The following SLC2A9 variants were observed in gnomAD, a reference collection of about 807,000 sequenced individuals.
SLC2A9 encodes the protein solute carrier family 2 member 9.
Under a neutral mutation model 50.6 loss-of-function variants are expected in SLC2A9, and 39 were observed. That is an observed-to-expected ratio of 0.77 (90% CI 0.60 to 1.01). The LOEUF (loss-of-function observed/expected upper bound fraction) is 1.01. SLC2A9 is among the 50% of genes least tolerant of loss of function. The pLI is 0.00. For synonymous variants in SLC2A9, 324 were observed against 276.9 expected (o/e 1.17, Z -1.69); for missense variants, 686 against 677.6 (o/e 1.01, Z -0.14).
chr4:9,801,223 C>T (rs1721362926), intron 3 of SLC2A9, among the ~76,000 whole-genome samples: 1 of 152,130 alleles, frequency 6.6e-6, no homozygotes, highest in Non-Finnish European at 1.5e-5. Context: ...CTAGACTTTC[C>T]CCACCATCTC....
At chr4:9,794,538 C>T (rs949599729), downstream of SLC2A9, among the ~76,000 whole-genome samples, 1 of 152,210 alleles carries the variant, frequency 6.6e-6, no homozygotes, top group African/African-American at 2.4e-5. Context: ...AGAACTCAAG[C>T]TCCTCACTCA....
intron 2 of SLC2A9, among the ~76,000 whole-genome samples, chr4:10,008,178 C>A (rs1041323779): frequency 6.6e-6 from 1 of 152,212 alleles, no homozygotes; most frequent in African/African-American, 2.4e-5. Context: ...AGTTCCTTTC[C>A]CCATTTGGCT....
At chr4:9,916,000 A>G (rs1231752172) in intron 7 of SLC2A9, among the ~76,000 whole-genome samples, 1 of 152,204 alleles carries the variant, frequency 6.6e-6, no homozygotes. Context: ...AAGAGGGGGA[A>G]AGTACCACAG....
chr4:9,930,103 T>C (rs1254855207), intron 6 of SLC2A9, among the ~76,000 whole-genome samples: 1 of 152,072 alleles, frequency 6.6e-6, no homozygotes, highest in Non-Finnish European at 1.5e-5. Flanking sequence ...TGGAATGCTG[T>C]CCTCCCCGCA....
intron 2 of SLC2A9, among the ~76,000 whole-genome samples, chr4:10,007,692 A>G (rs921437675): frequency 6.6e-6 from 1 of 152,158 alleles, no homozygotes; most frequent in African/African-American, 2.4e-5. Flanking sequence ...GGAACAGTGC[A>G]TTTTCGCAGA....
chr4:9,884,192 T>C (rs923753151), intron 10 of SLC2A9, among the ~76,000 whole-genome samples: 5 of 152,250 alleles, frequency 3.3e-5, no homozygotes, highest in Non-Finnish European at 7.3e-5. Context: ...GACTGATACA[T>C]GCTGTTAGTG....
intron 3 of SLC2A9, among the ~76,000 whole-genome samples, chr4:9,804,622 G>A (rs1419855481): frequency 6.6e-6 from 1 of 152,118 alleles, no homozygotes; most frequent in East Asian, 1.9e-4. Context: ...GGATTTTGAG[G>A]CTATATCCTG....
chr4:9,789,499 T>C (rs1468995805), intron 3 of SLC2A9, among the ~76,000 whole-genome samples: 2 of 152,158 alleles, frequency 1.3e-5, no homozygotes, highest in South Asian at 2.1e-4. Context: ...AGTAGATGGA[T>C]AGAGTGGCTA....
chr4:9,778,879 G>C (rs1717927517), downstream of SLC2A9, among the ~76,000 whole-genome samples: 1 of 151,956 alleles, frequency 6.6e-6, no homozygotes, highest in Non-Finnish European at 1.5e-5. Flanking sequence ...GAGTGCAGTG[G>C]TGCGATCTTG....
At chr4:10,028,775 C>T (rs538906086) in intron 1 of SLC2A9, among the ~76,000 whole-genome samples, 2 of 152,332 alleles carry the variant, frequency 1.3e-5, no homozygotes, top group East Asian at 3.9e-4. Context: ...CTGCCTCCTT[C>T]CTGTCCTAGG....
chr4:9,776,415 T>C (rs1717578229), downstream of SLC2A9, among the ~76,000 whole-genome samples: 1 of 151,890 alleles, frequency 6.6e-6, no homozygotes, highest in Admixed American at 6.6e-5. Context: ...AGGAAAATAT[T>C]TTCCTGCCAC....
chr4:9,795,715 G>A (rs995610899), downstream of SLC2A9, among the ~76,000 whole-genome samples: 37 of 152,222 alleles, frequency 2.4e-4, no homozygotes, highest in African/African-American at 8.0e-4. Flanking sequence ...AGGAAAGGAT[G>A]CACTACTGCA....
chr4:9,904,504 T>C (rs374501113), intron 8 of SLC2A9, among the ~76,000 whole-genome samples: 13 of 152,228 alleles, frequency 8.5e-5, no homozygotes, highest in African/African-American at 3.1e-4. Context: ...AATCCAGGGT[T>C]AGCTCCCTAT....
intron 10 of SLC2A9, among the ~76,000 whole-genome samples, chr4:9,877,392 C>G (rs1363787095): frequency 6.6e-6 from 1 of 152,212 alleles, no homozygotes; most frequent in Admixed American, 6.5e-5. Flanking sequence ...GCCTGCCCCC[C>G]TGGCAGGAGA....
At chr4:9,802,626 A>G (rs1721599662) in intron 3 of SLC2A9, among the ~76,000 whole-genome samples, 1 of 132,850 alleles carries the variant, frequency 7.5e-6, no homozygotes, top group African/African-American at 2.9e-5. Flanking sequence ...CAATGGTGTG[A>G]TCTCGGCTCA....
chr4:10,013,985 A>G (rs1762197989), intron 2 of SLC2A9, among the ~76,000 whole-genome samples: 1 of 151,716 alleles, frequency 6.6e-6, no homozygotes, highest in Non-Finnish European at 1.5e-5. Context: ...CCCTCCCCGC[A>G]CTCCAAAGCA....
intron 2 of SLC2A9, among the ~76,000 whole-genome samples, chr4:10,000,081 C>T (rs535737931): frequency 3.1e-4 from 47 of 151,642 alleles, no homozygotes; most frequent in Admixed American, 5.3e-4. Context: ...CCTCTGCTTG[C>T]GAGGTATTTA....
intron 3 of SLC2A9, among the ~76,000 whole-genome samples, chr4:9,809,383 G>A (rs543659576): frequency 1.8e-4 from 27 of 152,262 alleles, no homozygotes; most frequent in African/African-American, 5.8e-4. Flanking sequence ...GGATTGGAGC[G>A]AACAGGGTTG....
At chr4:9,926,992 G>T (rs536657951) in intron 6 of SLC2A9, among the ~76,000 whole-genome samples, 1 of 151,614 alleles carries the variant, frequency 6.6e-6, no homozygotes, top group Non-Finnish European at 1.5e-5. Flanking sequence ...TGGACTTCTG[G>T]CCTCCAGAAC....
Sources: allele counts gnomAD v4.1 joint callset (sites outside exome capture counted in the v4.1 genomes callset), GRCh38; gene constraint gnomAD v4.1.1; transcripts MANE v1.5; gene names NCBI Gene and HGNC (gene_info 2026-07-23, HGNC 2026-07-21).